NEB: variants seen among roughly 807,000 people sequenced by gnomAD.
The protein encoded by NEB is nebulin.
In NEB, 512 loss-of-function variants were observed where a neutral mutation model predicts 952.2. The observed-to-expected ratio is 0.54, with a 90% CI of 0.50 to 0.58. The LOEUF (loss-of-function observed/expected upper bound fraction) is 0.58, where lower values mean the gene tolerates loss of function less well. NEB is among the 20% of genes least tolerant of loss of function. The pLI, the probability that NEB is intolerant of heterozygous loss-of-function variation, is 0.00. For missense variants in NEB, 8,428 were observed against 9,231.1 expected (o/e 0.91, Z 3.56); for synonymous variants, 2,900 against 3,149.8 (o/e 0.92, Z 2.66).
chr2:151,557,523 C>T (rs896784218), intron 124 of NEB, among the ~76,000 whole-genome samples: 1 of 152,188 alleles, frequency 6.6e-6, no homozygotes, highest in African/African-American at 2.4e-5. Context: ...TTTTATGAGG[C>T]CGGCATCATC....
At chr2:151,529,123 T>G in intron 146 of NEB, 87 bp downstream of exon 146, 1 of 852,564 alleles carries the variant, frequency 1.2e-6, no homozygotes, top group Middle Eastern at 2.2e-4. Flanking sequence ...TAGAGCTGAA[T>G]TGCCTGAAGA....
intron 55 of NEB, among the ~76,000 whole-genome samples, chr2:151,645,602 T>G (rs1444322347): frequency 6.6e-6 from 1 of 152,226 alleles, no homozygotes; most frequent in Non-Finnish European, 1.5e-5. Context: ...GTGGAACTAC[T>G]TTAATACATT....
rs1266243676 is a variant in NEB at position 151,724,331 on chromosome 2, C to T, written c.541G>A (p.Asp181Asn). 1 of 1,612,574 alleles carries T rather than the reference C, an allele frequency of 6.2e-7. No homozygotes were observed. The highest frequency in any genetic ancestry group is 2.2e-5 in the East Asian group (1 of 44,848). The change falls in exon 8 of 182, where the codon GAT (aspartate) becomes AAT (asparagine). Residue 181 changes from aspartate (D) to asparagine (N), a missense_variant. This residue lies in a region of NEB where 2,851 missense variants were observed against 2,791.5 expected (regional missense o/e 1.02). Coordinates refer to ENST00000397345, the MANE Select transcript of NEB (RefSeq NM_001164508.2). Reference sequence around the variant, plus strand: ...GCATCAGGAGGAAGCAGGTACTTATCCTTGGTGTCTTCCCAGTTCTGCTTG... The same window carrying T: ...GCATCAGGAGGAAGCAGGTACTTATTCTTGGTGTCTTCCCAGTTCTGCTTG... ...LYKQNWEDTK[D>N]KYLLPPDAPE...
At chr2:151,539,788 C>T (rs528895091) in intron 138 of NEB, among the ~76,000 whole-genome samples, 64 of 152,186 alleles carry the variant, frequency 4.2e-4, no homozygotes, top group Non-Finnish European at 8.1e-4. Flanking sequence ...ACCACTGTGT[C>T]ATGCATCATT....
chr2:151,529,534 ATT>A (rs202085388), intron 145 of NEB, among the ~76,000 whole-genome samples: 3 of 144,760 alleles, frequency 2.1e-5, no homozygotes, highest in African/African-American at 2.5e-5. Flanking sequence ...TTGCCATATA[ATT>A]TTTTTTTTTT....
chr2:151,623,050 T>G (rs952016550), intron 71 of NEB, among the ~76,000 whole-genome samples: 1 of 152,204 alleles, frequency 6.6e-6, no homozygotes, highest in Non-Finnish European at 1.5e-5. Flanking sequence ...CTATGTTAAC[T>G]GATTTACTTA....
Position 151,695,636 on chromosome 2 carries a change from A to G in NEB, c.1616T>C (p.Ile539Thr). ...KHESEKFKCH[I>T]PPDTPAFIQH... ...GATAAAAGCAGGAGTATCAGGGGGG[A>G]TATGGCACTTGAACTTTTCACTTTC... is the stretch of plus-strand genomic sequence containing the variant. Residue 539 changes from isoleucine to threonine, a missense_variant, in exon 18 of 182, where the codon ATC becomes ACC. By Grantham distance (89) the Ile-to-Thr change is moderately conservative (BLOSUM62 -1). This residue lies in a region of NEB where 2,851 missense variants were observed against 2,791.5 expected (regional missense o/e 1.02). Transcript: ENST00000397345. 6.2e-7 allele frequency: 1 copy of G among 1,613,888 alleles called. No homozygotes were observed. The highest frequency in any genetic ancestry group is 2.2e-5 in the East Asian group (1 of 44,872).
chr2:151,663,409 T>C, intron 45 of NEB, 139 bp downstream of exon 45: 3 of 844,190 alleles, frequency 3.6e-6, no homozygotes, highest in African/African-American at 3.4e-5. Context: ...ATGAATTCAA[T>C]CTAAGGTAAC....
At chr2:151,655,425 G>A (rs1366312750) in intron 50 of NEB, 51 bp from the exon 51 acceptor site, 2 of 1,069,962 alleles carry the variant, frequency 1.9e-6, no homozygotes, top group Middle Eastern at 2.1e-4. Flanking sequence ...GGACAAGCAG[G>A]AAAGAAAAAT....
At chr2:151,640,740 C>G in intron 60 of NEB, 74 bp from the exon 61 acceptor site, 1 of 1,445,178 alleles carries the variant, frequency 6.9e-7, no homozygotes, top group Non-Finnish European at 9.3e-7. Flanking sequence ...CTAACTTGCT[C>G]TATTTATTAA....
At chr2:151,669,179 T>C (rs1397537979) in intron 38 of NEB, 48 bp from the exon 39 acceptor site, 6 of 1,311,868 alleles carry the variant, frequency 4.6e-6, no homozygotes, top group Non-Finnish European at 6.4e-6. Context: ...TGACATAATA[T>C]AAATTTCATC....
rs758068690 is a variant in NEB, at chr2:151,549,726, G to A, written c.19959C>T (p.Thr6653=). Residue 6653 remains threonine, a synonymous_variant, in exon 130 of 182, where the codon ACC becomes ACT. Transcript: ENST00000397345. ...ATCCAGTGGGCAGGGTGCGCAGGCT[G>A]GTTTTGTATAGATTCTGCAGGAATG... ...YKLQSSNLYK[T]SLRTLPTGYR... is the part of the protein sequence containing the mutation. The A allele has an allele frequency of 5.7e-6, 9 of 1,584,374 alleles. No individual in the cohort carries two copies. The highest frequency in any genetic ancestry group is 7.7e-6 in the Non-Finnish European group (9 of 1,163,786).
In NEB at chr2:151,622,885, C is replaced by G. The variant is rs78713434; in HGVS notation, c.10453-1859G>C. On this transcript the variant is annotated intron_variant, in intron 71 of 181. Coordinates refer to ENST00000397345, the MANE Select transcript of NEB (RefSeq NM_001164508.2). ...GAATTCAGTTCAAGAGAATGAGTAG[C>G]ATTTAGTTCTCTAGTTTATTTCTTC... Among the ~76,000 whole-genome samples, 133 of 152,248 alleles carry G rather than the reference C, an allele frequency of 8.7e-4. 4 individuals carry two copies. The East Asian group carries it at 0.024, about 27-fold the overall frequency.
chr2:151,729,752 G>C, intron 3 of NEB, 96 bp from the exon 4 acceptor site: 1 of 1,266,466 alleles, frequency 7.9e-7, no homozygotes, highest in Non-Finnish European at 1.2e-6. Context: ...GCACTAGCTC[G>C]GTTGATTTGG....
chr2:151,663,748 C>T lies in NEB; in HGVS notation c.5563G>A (p.Asp1855Asn). The T allele has an allele frequency of 1.2e-6, 2 of 1,613,814 alleles. No individual in the cohort carries two copies. The highest frequency in any genetic ancestry group is 2.2e-5 in the South Asian group (2 of 91,074). The change falls in exon 45 of 182, where the codon GAC becomes AAC. Residue 1855 changes from aspartate (D) to asparagine (N), a missense_variant. Asp to Asn is a conservative substitution (Grantham distance 23). Coordinates refer to ENST00000397345, the MANE Select transcript of NEB (RefSeq NM_001164508.2). ...HFMQVAKMQSDREYKKGYEKS... is the reference protein window; with the variant it reads ...HFMQVAKMQSNREYKKGYEKS... Reference sequence around the variant, plus strand: ...TCATATCCCTTCTTGTATTCCCGGTCTGACTGCATCTTGGCCACTTGCATG... The same window carrying T: ...TCATATCCCTTCTTGTATTCCCGGTTTGACTGCATCTTGGCCACTTGCATG...
chr2:151,498,192 A>AAAT, intron 170 of NEB, 68 bp downstream of exon 170: 1 of 1,548,274 alleles, frequency 6.5e-7, no homozygotes, highest in Middle Eastern at 1.8e-4. Flanking sequence ...AAACAAAAAT[A>AAAT]AATAAATGTA....
intron 174 of NEB, 89 bp from the exon 175 acceptor site, chr2:151,493,956 A>C (rs1467904195): frequency 3.1e-6 from 3 of 974,322 alleles, no homozygotes; most frequent in Admixed American, 5.4e-5. Flanking sequence ...TGTTATGTTT[A>C]ATCTATTACT....
chr2:151,640,014 A>T lies in NEB; in HGVS notation c.8732T>A (p.Val2911Glu). The change falls in exon 62 of 182, where the codon GTG becomes GAG. Residue 2911 changes from valine to glutamate, a missense_variant. Val to Glu is a moderately radical substitution (Grantham distance 121). Around this residue, in one of 11 missense-constraint regions of NEB, gnomAD observed 1,772 missense variants for 1,960.3 expected, o/e 0.90. Coordinates refer to ENST00000397345, the MANE Select transcript of NEB (RefSeq NM_001164508.2). ...DLQWMRGIGWVSIGSLDVEKC... is the reference protein window; with the variant it reads ...DLQWMRGIGWESIGSLDVEKC... ...TTCCACATCCAAAGAGCCAATGGAC[A>T]CCCAGCCAATGCCTCTCATCCACTG... The T allele has an allele frequency of 6.2e-7, 1 of 1,613,976 alleles. No homozygotes were observed. Among genetic ancestry groups the T allele is most frequent in the Non-Finnish European group, 8.5e-7 (1 of 1,179,866 alleles).
At chr2:151,619,404 T>C (rs923594941) in intron 73 of NEB, 47 bp downstream of exon 73, 2 of 1,530,226 alleles carry the variant, frequency 1.3e-6, no homozygotes, top group African/African-American at 1.4e-5. Flanking sequence ...CACAGACACG[T>C]TTCAGATCCG....
Sources: allele counts gnomAD v4.1 joint callset (sites outside exome capture counted in the v4.1 genomes callset), GRCh38; gene constraint gnomAD v4.1.1; regional missense constraint gnomAD v4.1.1; transcripts MANE v1.5; gene names NCBI Gene and HGNC (gene_info 2026-07-23, HGNC 2026-07-21).